The following MYOCOS variants were observed in gnomAD, a reference collection of about 807,000 sequenced individuals.
The protein encoded by MYOCOS is myocilin opposite strand protein.
chr1:171,626,436 A>G lies in MYOCOS; in HGVS notation c.96-18A>G, dbSNP rs1166428699. 1.8e-5 allele frequency: 7 copies of G among 398,464 alleles called. No individual in the cohort carries two copies. The highest frequency in any genetic ancestry group is 3.1e-5 in the Non-Finnish European group (7 of 226,018). 24.7% of individuals were successfully genotyped at this position (398,464 alleles called of 1,614,324 possible). A position where few individuals can be genotyped will look rare whatever the true frequency, so the allele number is the denominator to read the frequency against. On this transcript the variant is annotated intron_variant, in intron 2 of 2. Transcript: ENST00000637642. ...CCTATCTTTATTCAAATGGCATTCAATGTGCCTTTCTTCCTAGAAAAGAGA... is the reference window on the plus strand; with the variant it reads ...CCTATCTTTATTCAAATGGCATTCAGTGTGCCTTTCTTCCTAGAAAAGAGA...
At chr1:171,603,371 T>A (rs1652180429) in intron 1 of MYOCOS, among the ~76,000 whole-genome samples, 1 of 152,202 alleles carries the variant, frequency 6.6e-6, no homozygotes, top group South Asian at 2.1e-4. Flanking sequence ...GCTATCCCTT[T>A]CACCCTGGCA....
chr1:171,615,685 TGCATGCA>T (rs1652433519), intron 2 of MYOCOS, among the ~76,000 whole-genome samples: 1 of 152,228 alleles, frequency 6.6e-6, no homozygotes, highest in Non-Finnish European at 1.5e-5. Context: ...TGACCACCGG[TGCATGCA>T]GCCCCTGTCA....
upstream of MYOCOS, among the ~76,000 whole-genome samples, chr1:171,621,143 G>A (rs963180545): frequency 3.9e-5 from 6 of 152,014 alleles, no homozygotes; most frequent in African/African-American, 7.2e-5. Context: ...GCTGCACCCC[G>A]ACCAACTTGG....
intron 1 of MYOCOS, among the ~76,000 whole-genome samples, chr1:171,603,418 C>G (rs1475165554): frequency 6.6e-6 from 1 of 152,166 alleles, no homozygotes; most frequent in East Asian, 1.9e-4. Flanking sequence ...AATAAGACAT[C>G]GTAAAGTGAG....
At chr1:171,604,059 TTAAACA>T (rs1410385338) in intron 1 of MYOCOS, 3 of 151,802 alleles carry the variant, frequency 2.0e-5, no homozygotes, top group Admixed American at 2.0e-4. Context: ...GAGAGACCAG[TTAAACA>T]TAAACTGAGT....
upstream of MYOCOS, among the ~76,000 whole-genome samples, chr1:171,620,240 G>A (rs139596857): frequency 3.2e-3 from 490 of 151,970 alleles, 2 homozygotes; most frequent in Middle Eastern, 0.014. Flanking sequence ...TATCTAAGGT[G>A]TCTGGGGCAT....
intron 2 of MYOCOS, among the ~76,000 whole-genome samples, chr1:171,624,729 G>A (rs1652659305): frequency 1.3e-5 from 2 of 152,166 alleles, no homozygotes; most frequent in African/African-American, 4.8e-5. Context: ...TTACAGGCGT[G>A]AGCGACTGTG....
chr1:171,611,016 AT>A (rs1362116081), intron 1 of MYOCOS, among the ~76,000 whole-genome samples: 4 of 152,210 alleles, frequency 2.6e-5, no homozygotes, highest in African/African-American at 9.6e-5. Context: ...GTTTGTATGT[AT>A]TCTTCTCTTG....
At chr1:171,608,714 C>T (rs540986983) in intron 1 of MYOCOS, among the ~76,000 whole-genome samples, 7 of 152,112 alleles carry the variant, frequency 4.6e-5, no homozygotes, top group Admixed American at 4.6e-4. Flanking sequence ...AGCCACCACG[C>T]CCGGCTAGGG....
chr1:171,616,964 GC>G (rs768007159), intron 2 of MYOCOS, among the ~76,000 whole-genome samples: 1 of 152,214 alleles, frequency 6.6e-6, no homozygotes, highest in Non-Finnish European at 1.5e-5. Context: ...GTACAGGCAT[GC>G]TGGCACCTAG....
In MYOCOS at chr1:171,626,461, A is replaced by T; in HGVS notation, c.103A>T (p.Ile35Leu). Reference sequence around the variant, plus strand: ...ATGTGCCTTTCTTCCTAGAAAAGAGATAATTACCCAGAAAAGTGATGAAGC... The same window carrying T: ...ATGTGCCTTTCTTCCTAGAAAAGAGTTAATTACCCAGAAAAGTGATGAAGC... The part of the protein sequence containing the change: ...RRVTMITRKE[I>L]ITQKSDEAKE... The change falls in exon 3 of 3, where the codon ATA (isoleucine) becomes TTA (leucine). Residue 35 changes from isoleucine to leucine, a missense_variant. Coordinates refer to ENST00000637642, the MANE Select transcript of MYOCOS (RefSeq NM_001391940.1). 2.5e-6 allele frequency: 1 copy of T among 398,594 alleles called. No homozygotes were observed. Among genetic ancestry groups the T allele is most frequent in the South Asian group, 1.3e-4 (1 of 7,862 alleles). The allele number at this position is 398,594 out of a possible 1,614,324, so 24.7% of individuals were successfully genotyped here.
At chr1:171,610,467 T>C (rs1241133533) in intron 1 of MYOCOS, among the ~76,000 whole-genome samples, 1 of 152,214 alleles carries the variant, frequency 6.6e-6, no homozygotes, top group Non-Finnish European at 1.5e-5. Context: ...AAACTTTATT[T>C]AGAGTTCCGG....
chr1:171,615,794 G>A (rs189521075), intron 2 of MYOCOS, among the ~76,000 whole-genome samples: 8 of 152,288 alleles, frequency 5.3e-5, no homozygotes, highest in East Asian at 1.9e-4. Flanking sequence ...TTGTGCATTC[G>A]GGGAGCTCGG....
chr1:171,605,493 A>G (rs908239848), intron 1 of MYOCOS, among the ~76,000 whole-genome samples: 2 of 151,966 alleles, frequency 1.3e-5, no homozygotes, highest in African/African-American at 4.8e-5. Flanking sequence ...CCCACCCAGA[A>G]TCCCACCAGG....
chr1:171,603,128 C>T, intron 1 of MYOCOS, among the ~76,000 whole-genome samples: 1 of 152,172 alleles, frequency 6.6e-6, no homozygotes, highest in Non-Finnish European at 1.5e-5. Context: ...CAGGTCAGCC[C>T]CCAAAGGCCA....
intron 1 of MYOCOS, among the ~76,000 whole-genome samples, chr1:171,609,416 G>A (rs1412169067): frequency 6.6e-6 from 1 of 152,106 alleles, no homozygotes; most frequent in East Asian, 1.9e-4. Context: ...TAGTGTAAAG[G>A]TGAATGGGTC....
At chr1:171,612,446 T>C (rs1441582024) in intron 1 of MYOCOS, among the ~76,000 whole-genome samples, 1 of 152,116 alleles carries the variant, frequency 6.6e-6, no homozygotes, top group African/African-American at 2.4e-5. Context: ...GACATTTTTT[T>C]TACTACATTG....
At chr1:171,604,401 C>T (rs1652205397) in intron 1 of MYOCOS, 1 of 152,124 alleles carries the variant, frequency 6.6e-6, no homozygotes, top group African/African-American at 2.4e-5. Context: ...TTGCTACAGT[C>T]CTATTATTTT....
chr1:171,624,815 C>A (rs1354392163), intron 2 of MYOCOS, among the ~76,000 whole-genome samples: 1 of 152,004 alleles, frequency 6.6e-6, no homozygotes, highest in East Asian at 1.9e-4. Flanking sequence ...AACTCCTGGG[C>A]TCAAGTGGTC....
Sources: allele counts gnomAD v4.1 joint callset (sites outside exome capture counted in the v4.1 genomes callset), GRCh38; gene constraint gnomAD v4.1.1; transcripts MANE v1.5; gene names NCBI Gene and HGNC (gene_info 2026-07-23, HGNC 2026-07-21).